The following CCDC85C variants were observed in gnomAD, a reference collection of about 807,000 sequenced individuals.
The protein encoded by CCDC85C is coiled-coil domain containing 85C.
CCDC85C carries 18 observed loss-of-function variants against 38.3 expected under a neutral mutation model. The ratio of observed to expected loss-of-function variants is 0.47; its 90% confidence interval spans 0.33 to 0.70. The LOEUF (loss-of-function observed/expected upper bound fraction) is 0.70. Among genes scored for constraint, CCDC85C ranks in the 30% least tolerant of loss-of-function variants. The probability of loss-of-function intolerance (pLI) is 0.03; values close to 1 mark genes in which losing one functional copy is unlikely to be tolerated. For synonymous variants in CCDC85C, 264 were observed against 293.8 expected, an observed-to-expected ratio of 0.90 and a Z score of 1.04; for missense variants, 566 against 621.2, an observed-to-expected ratio of 0.91 and a Z score of 0.94.
At chr14:99,525,751 T>C (rs1408024730) in intron 2 of CCDC85C, among the ~76,000 whole-genome samples, 10 of 152,212 alleles carry the variant, frequency 6.6e-5, no homozygotes, top group Non-Finnish European at 1.5e-4. Context: ...AGTGACCACT[T>C]GGACCACCAG....
intron 2 of CCDC85C, among the ~76,000 whole-genome samples, chr14:99,526,057 T>C (rs531425050): frequency 6.6e-6 from 1 of 152,304 alleles, no homozygotes; most frequent in African/African-American, 2.4e-5. Context: ...ATTTAGGTCA[T>C]GCCAATGACT....
intron 1 of CCDC85C, among the ~76,000 whole-genome samples, chr14:99,540,712 G>C (rs1897695871): frequency 6.6e-6 from 1 of 152,208 alleles, no homozygotes; most frequent in African/African-American, 2.4e-5. Context: ...GCCAACCGGG[G>C]AGGAGGGTGT....
intron 1 of CCDC85C, among the ~76,000 whole-genome samples, chr14:99,571,759 C>T (rs968046587): frequency 1.3e-5 from 2 of 152,222 alleles, no homozygotes; most frequent in African/African-American, 2.4e-5. Context: ...GGGCCTTTGC[C>T]AATGTAAATA....
At chr14:99,581,469 C>T (rs927155791) in intron 1 of CCDC85C, among the ~76,000 whole-genome samples, 1 of 152,258 alleles carries the variant, frequency 6.6e-6, no homozygotes, top group Non-Finnish European at 1.5e-5. Context: ...GCCTCGCTCC[C>T]CCCACCCATG....
chr14:99,562,837 A>G (rs763031925), intron 1 of CCDC85C, among the ~76,000 whole-genome samples: 31 of 152,048 alleles, frequency 2.0e-4, no homozygotes, highest in Non-Finnish European at 4.3e-4. Flanking sequence ...ACAAGTGCAT[A>G]TTCACACACT....
At chr14:99,581,757 C>T (rs1240069072) in intron 1 of CCDC85C, among the ~76,000 whole-genome samples, 1 of 152,188 alleles carries the variant, frequency 6.6e-6, no homozygotes, top group African/African-American at 2.4e-5. Flanking sequence ...TGGGGGCTGA[C>T]GACCCTTTGT....
At chr14:99,557,248 A>G (rs1286112174) in intron 1 of CCDC85C, among the ~76,000 whole-genome samples, 1 of 152,222 alleles carries the variant, frequency 6.6e-6, no homozygotes, top group Non-Finnish European at 1.5e-5. Flanking sequence ...TCGGGATTTG[A>G]GCCCAAAGCC....
chr14:99,529,893 C>T (rs1333162940), intron 2 of CCDC85C, among the ~76,000 whole-genome samples: 5 of 152,216 alleles, frequency 3.3e-5, no homozygotes, highest in South Asian at 4.1e-4. Flanking sequence ...GCCAACCGCC[C>T]GACTCCCAGT....
At chr14:99,572,000 A>G (rs7159168) in intron 1 of CCDC85C, among the ~76,000 whole-genome samples, 125,628 of 152,108 alleles carry the variant, frequency 0.83, 52,097 homozygotes, top group South Asian at 0.92. Flanking sequence ...CATGTGGGCC[A>G]AGGAGCTGGA....
rs542431286 is a variant in CCDC85C at position 99,530,817 on chromosome 14, G to T, written c.867+5198C>A. On this transcript the variant is annotated intron_variant, in intron 2 of 5. Coordinates refer to ENST00000380243, the MANE Select transcript of CCDC85C (RefSeq NM_001144995.2). ...TTTCACCTGAAGCCACACAGCAGGT[G>T]AGCGCTGGGGCGGGGGCTATTGGAG... Among the ~76,000 whole-genome samples the T allele has an allele frequency of 2.6e-5, 4 of 152,362 alleles. No individual in the cohort carries two copies. The East Asian group carries it at 7.7e-4, about 29-fold the overall frequency.
intron 2 of CCDC85C, among the ~76,000 whole-genome samples, chr14:99,526,408 G>A (rs7160040): frequency 0.071 from 10,798 of 152,290 alleles, 890 homozygotes; most frequent in African/African-American, 0.2. Flanking sequence ...TCCCCAGGCT[G>A]GGATGGGAGC....
In CCDC85C at chr14:99,558,739, T is replaced by G. The variant is rs148687484; in HGVS notation, c.794-22651A>C. On this transcript the variant is annotated intron_variant, in intron 1 of 5. Transcript: ENST00000380243. The surrounding 1 kb of genome is among the most constrained non-coding windows in gnomAD (Gnocchi z 4.2). Reference sequence around the variant, plus strand: ...GAAAGAAAGGCAGACATGGGAGAGATGAGGCCACAAGCCAAGGAACACCAG... The same window carrying G: ...GAAAGAAAGGCAGACATGGGAGAGAGGAGGCCACAAGCCAAGGAACACCAG... Among the ~76,000 whole-genome samples, 1 of 152,112 alleles carries G rather than the reference T, an allele frequency of 6.6e-6. No homozygotes were observed. The highest frequency in any genetic ancestry group is 1.5e-5 in the Non-Finnish European group (1 of 68,022).
chr14:99,510,557 C>T lies in CCDC85C; in HGVS notation c.*4689G>A. ...CCATCCCACCCCCTACTCCTGGCTA[C>T]CCCCCACCCCCACCCACCTACAACC... On this transcript the variant is annotated 3_prime_UTR_variant, in exon 6 of 6. Transcript: ENST00000380243. 3 of 360,540 alleles carry T rather than the reference C, an allele frequency of 8.3e-6. No individual in the cohort carries two copies. The highest frequency in any genetic ancestry group is 1.0e-5 in the Non-Finnish European group (2 of 200,254). The allele number at this position is 360,540 out of a possible 1,614,324, so 22.3% of individuals were successfully genotyped here. A position where few individuals can be genotyped will look rare whatever the true frequency, so the allele number is the denominator to read the frequency against.
At chr14:99,601,042 A>G (rs1566787376) in intron 1 of CCDC85C, among the ~76,000 whole-genome samples, 1 of 152,222 alleles carries the variant, frequency 6.6e-6, no homozygotes, top group Non-Finnish European at 1.5e-5. Context: ...GGGAAAAAAG[A>G]AAGAAAGAAC....
chr14:99,541,396 C>G (rs537282824), intron 1 of CCDC85C, among the ~76,000 whole-genome samples: 1 of 152,212 alleles, frequency 6.6e-6, no homozygotes, highest in East Asian at 1.9e-4. Flanking sequence ...GCATCTGACT[C>G]TGCGGTGCCT....
intron 1 of CCDC85C, among the ~76,000 whole-genome samples, chr14:99,595,538 G>A (rs2055134150): frequency 6.6e-6 from 1 of 152,136 alleles, no homozygotes; most frequent in South Asian, 2.1e-4. Context: ...CTTCTTACCT[G>A]CTCTCTTCTG....
At chr14:99,598,602 AGG>A (rs2055168338) in intron 1 of CCDC85C, among the ~76,000 whole-genome samples, 1 of 152,152 alleles carries the variant, frequency 6.6e-6, no homozygotes, top group Admixed American at 6.5e-5. Flanking sequence ...TCCTGGGAGG[AGG>A]TGCCCTGTCT....
intron 1 of CCDC85C, among the ~76,000 whole-genome samples, chr14:99,573,660 C>T (rs1898406691): frequency 6.6e-6 from 1 of 152,244 alleles, no homozygotes; most frequent in Non-Finnish European, 1.5e-5. Flanking sequence ...GGGCCTGCAG[C>T]TGCAGAGCTT....
At chr14:99,554,308 A>T (rs1411322239) in intron 1 of CCDC85C, among the ~76,000 whole-genome samples, 1 of 130,538 alleles carries the variant, frequency 7.7e-6, no homozygotes, top group African/African-American at 3.0e-5. Flanking sequence ...TTCTAACCAG[A>T]TCCTTCGTTT....
Sources: gnomAD v4.1 joint callset for allele counts (sites outside exome capture counted in the v4.1 genomes callset) on GRCh38, gnomAD v4.1.1 for gene constraint, Gnocchi (gnomAD v3.1) non-coding constraint, MANE v1.5 for transcripts, NCBI Gene and HGNC (gene_info 2026-07-23, HGNC 2026-07-21) for gene names.